The following HDLBP variants were observed in gnomAD, a reference collection of about 807,000 sequenced individuals.
HDLBP encodes vigilin.
Under a neutral mutation model 137.3 loss-of-function variants are expected in HDLBP, and 30 were observed. That is an observed-to-expected ratio of 0.22 (90% CI 0.16 to 0.30). The LOEUF is 0.30. Ranked by LOEUF, HDLBP falls within the 10% of genes least tolerant of loss-of-function variation. The pLI is 1.00. For missense variants in HDLBP, 1,119 were observed against 1,667.3 expected (o/e 0.67, Z 5.73); for synonymous variants, 606 against 596.0 (o/e 1.02, Z -0.24).
intron 23 of HDLBP, 64 bp from the exon 24 acceptor site, chr2:241,234,027 C>T (rs1303800234): frequency 3.2e-6 from 5 of 1,576,694 alleles, no homozygotes; most frequent in African/African-American, 2.7e-5. Context: ...ACTCCATTCC[C>T]CTTCCACCCT....
At chr2:241,246,994 A>G (rs2071731965) in intron 15 of HDLBP, 62 bp downstream of exon 15, 8 of 1,563,622 alleles carry the variant, frequency 5.1e-6, no homozygotes, top group Non-Finnish European at 1.8e-6. Context: ...CTAAAACCAA[A>G]ATGGTGCAGG....
chr2:241,263,643 G>A (rs1477222200), intron 4 of HDLBP, among the ~76,000 whole-genome samples: 1 of 152,100 alleles, frequency 6.6e-6, no homozygotes, highest in East Asian at 1.9e-4. Flanking sequence ...GGAAGACACT[G>A]GCAGCGAGAT....
Position 241,272,094 on chromosome 2 carries a change from T to A in HDLBP, c.-102-3553A>T. The A allele has an allele frequency of 1.4e-6, 1 of 690,392 alleles. No individual in the cohort carries two copies. The allele number at this position is 690,392 out of a possible 1,614,324, so 42.8% of individuals were successfully genotyped here. A position where few individuals can be genotyped will look rare whatever the true frequency, so the allele number is the denominator to read the frequency against. On this transcript the variant is annotated intron_variant, in intron 1 of 27. Coordinates refer to ENST00000310931, the MANE Select transcript of HDLBP (RefSeq NM_005336.6). This position sits in a 1 kb window ranked among gnomAD's most constrained non-coding sequence, Gnocchi z 5.6. ...GTACTTTTCCGTAATGTATTTTTCA[T>A]CCACGACCCTGGGGCACGTCCAAGT...
At chr2:241,299,136 C>G (rs377520524) in intron 1 of HDLBP, among the ~76,000 whole-genome samples, 1 of 152,194 alleles carries the variant, frequency 6.6e-6, no homozygotes, top group Non-Finnish European at 1.5e-5. Flanking sequence ...AGATAAAGAG[C>G]TGTACGGTAC....
chr2:241,253,080 G>A (rs771797049), intron 10 of HDLBP, 45 bp from the exon 11 acceptor site: 6 of 1,433,800 alleles, frequency 4.2e-6, no homozygotes, highest in Non-Finnish European at 5.9e-6. Context: ...TGGTTACTTG[G>A]CCAATGAGCT....
Position 241,248,313 on chromosome 2 carries a change from T to TTGA in HDLBP, c.1547_1548insTCA (p.Glu515_Gln516insHis). ...GCCCAATGATTGTGCGATGAAATCT[T>TTGA]TGCTCAATGATTAGATCCTTGGTAC... On this transcript the variant is annotated inframe_insertion, in exon 13 of 28. Coordinates refer to ENST00000310931, the MANE Select transcript of HDLBP (RefSeq NM_005336.6). 1 of 1,614,070 alleles carries TTGA rather than the reference T, an allele frequency of 6.2e-7. No individual in the cohort carries two copies. The highest frequency in any genetic ancestry group is 8.5e-7 in the Non-Finnish European group (1 of 1,179,888).
At chr2:241,256,068 C>T in intron 7 of HDLBP, 116 bp downstream of exon 7, 1 of 833,636 alleles carries the variant, frequency 1.2e-6, no homozygotes, top group East Asian at 2.6e-5. Context: ...AGACAATAAG[C>T]ATCTTCATCA....
chr2:241,286,491 C>CTTT (rs1230390418), intron 1 of HDLBP, among the ~76,000 whole-genome samples: 1 of 152,190 alleles, frequency 6.6e-6, no homozygotes, highest in Non-Finnish European at 1.5e-5. Flanking sequence ...ACTTGGAAGT[C>CTTT]CCCTCCCCAC....
At chr2:241,267,943 T>TG in intron 2 of HDLBP, 1 of 985,318 alleles carries the variant, frequency 1.0e-6, no homozygotes, top group South Asian at 4.7e-5. Flanking sequence ...ATGTGAAAAA[T>TG]GGGGTACATT....
At chr2:241,277,511 T>C (rs954814388) in intron 1 of HDLBP, among the ~76,000 whole-genome samples, 1 of 152,174 alleles carries the variant, frequency 6.6e-6, no homozygotes, top group Non-Finnish European at 1.5e-5. Flanking sequence ...AAATGGAGAC[T>C]TTGAAAAATC....
chr2:241,267,294 C>G (rs937102396), intron 2 of HDLBP, among the ~76,000 whole-genome samples: 2 of 152,190 alleles, frequency 1.3e-5, no homozygotes, highest in Non-Finnish European at 2.9e-5. Context: ...ATGTTCAAAG[C>G]TGTCCTGGGC....
Position 241,229,974 on chromosome 2 carries a change from G to A in HDLBP, c.3592-13C>T. On this transcript the variant is annotated splice_polypyrimidine_tract_variant and intron_variant, in intron 26 of 27. Coordinates refer to ENST00000310931, the MANE Select transcript of HDLBP (RefSeq NM_005336.6). ...CCACGTCAGCTAGCTGCAGGCAGAA[G>A]ACAGGAAGACAGGGTCAGTCTGCCC... The A allele has an allele frequency of 5.0e-6, 8 of 1,587,500 alleles. No individual in the cohort carries two copies. Among genetic ancestry groups the A allele is most frequent in the Non-Finnish European group, 6.9e-6 (8 of 1,165,874 alleles).
intron 1 of HDLBP, among the ~76,000 whole-genome samples, chr2:241,307,440 A>T (rs1236747066): frequency 3.9e-5 from 6 of 152,210 alleles, no homozygotes; most frequent in Non-Finnish European, 8.8e-5. Context: ...TGGGATGGGT[A>T]GGGGCTACAC....
intron 1 of HDLBP, among the ~76,000 whole-genome samples, chr2:241,306,684 G>A (rs998142907): frequency 6.6e-6 from 1 of 151,544 alleles, no homozygotes; most frequent in African/African-American, 2.4e-5. Flanking sequence ...GAGGCTGGCA[G>A]ATCATTTGAG....
rs375123572 is a variant in HDLBP, at chr2:241,253,086, G to A, written c.1294-51C>T. 1,835 of 1,375,844 alleles carry A rather than the reference G, an allele frequency of 1.3e-3. 4 individuals carry two copies. Among genetic ancestry groups the A allele is most frequent in the Non-Finnish European group, 1.8e-3 (1,699 of 965,114 alleles). The allele number at this position is 1,375,844 out of a possible 1,614,324, so 85.2% of individuals were successfully genotyped here. On this transcript the variant is annotated intron_variant, in intron 10 of 27. Coordinates refer to ENST00000310931, the MANE Select transcript of HDLBP (RefSeq NM_005336.6). ...GGATGCGCCTGGTTACTTGGCCAAT[G>A]AGCTGAACCAAAACCCAGCAGTCTC...
chr2:241,257,948 CA>C (rs2072812535), intron 5 of HDLBP, among the ~76,000 whole-genome samples: 1 of 152,194 alleles, frequency 6.6e-6, no homozygotes, highest in South Asian at 2.1e-4. Context: ...AGCAGCCACT[CA>C]AGTTCACTAG....
At chr2:241,267,091 A>G (rs1204340918) in intron 2 of HDLBP, among the ~76,000 whole-genome samples, 185 bp from the exon 3 acceptor site, 1 of 152,124 alleles carries the variant, frequency 6.6e-6, no homozygotes, top group African/African-American at 2.4e-5. Context: ...AAAAGGGGGG[A>G]AAATGCAAGT....
In HDLBP at chr2:241,268,464, G is replaced by C; in HGVS notation, c.-38+13C>G. On this transcript the variant is annotated intron_variant, in intron 2 of 27. Transcript: ENST00000310931. ...CCCAGGGACAGGAAGTCTTCAGACA[G>C]GGTCAAACTTACCAGCAAAACGGTC... The C allele has an allele frequency of 5.1e-6, 5 of 985,944 alleles. No individual in the cohort carries two copies. Among genetic ancestry groups the C allele is most frequent in the Non-Finnish European group, 6.0e-6 (5 of 829,984 alleles). The allele number at this position is 985,944 out of a possible 1,614,324, so 61.1% of individuals were successfully genotyped here. A position where few individuals can be genotyped will look rare whatever the true frequency, so the allele number is the denominator to read the frequency against.
At chr2:241,253,810 C>A (rs2072396934) in intron 9 of HDLBP, among the ~76,000 whole-genome samples, 1 of 152,210 alleles carries the variant, frequency 6.6e-6, no homozygotes, top group African/African-American at 2.4e-5. Context: ...TTTACAAGGC[C>A]TGGTCCTCTT....
Sources: gnomAD v4.1 joint callset for allele counts (sites outside exome capture counted in the v4.1 genomes callset) on GRCh38, gnomAD v4.1.1 for gene constraint, Gnocchi (gnomAD v3.1) non-coding constraint, MANE v1.5 for transcripts, NCBI Gene and HGNC (gene_info 2026-07-23, HGNC 2026-07-21) for gene names.